The following CEP128 variants were observed in gnomAD, a reference collection of about 807,000 sequenced individuals.
CEP128 encodes centrosomal protein 128.
Under a neutral mutation model 156.7 loss-of-function variants are expected in CEP128, and 132 were observed. That is an observed-to-expected ratio of 0.84 (90% CI 0.73 to 0.97). The LOEUF is 0.97. Among genes scored for constraint, CEP128 ranks in the 50% least tolerant of loss-of-function variants. The pLI is 0.00. For synonymous variants in CEP128, 469 were observed against 448.9 expected (o/e 1.04, Z -0.57); for missense variants, 1,252 against 1,281.9 (o/e 0.98, Z 0.36).
chr14:80,535,670 T>G (rs1054194288), intron 21 of CEP128, among the ~76,000 whole-genome samples: 1 of 152,148 alleles, frequency 6.6e-6, no homozygotes, highest in Non-Finnish European at 1.5e-5. Flanking sequence ...TTATAGGATG[T>G]TAAATGTCAG....
At chr14:80,533,254 C>G (rs1290277110) in intron 21 of CEP128, among the ~76,000 whole-genome samples, 1 of 152,044 alleles carries the variant, frequency 6.6e-6, no homozygotes, top group Non-Finnish European at 1.5e-5. Context: ...GATTTTAAAT[C>G]AAAATTTTAT....
At chr14:80,951,813 C>G (rs1242059151) in intron 2 of CEP128, among the ~76,000 whole-genome samples, 2 of 151,754 alleles carry the variant, frequency 1.3e-5, no homozygotes, top group Non-Finnish European at 2.9e-5. Context: ...AAAATCATAC[C>G]ATGATAACGC....
chr14:80,857,742 AAC>A (rs1241738767), intron 9 of CEP128, among the ~76,000 whole-genome samples: 2 of 128,668 alleles, frequency 1.6e-5, no homozygotes, highest in African/African-American at 7.4e-5. Context: ...CTCAAAAAAA[AAC>A]AACAACAACA....
intron 19 of CEP128, among the ~76,000 whole-genome samples, chr14:80,663,417 A>T (rs1185393579): frequency 6.6e-6 from 1 of 152,178 alleles, no homozygotes; most frequent in Non-Finnish European, 1.5e-5. Context: ...ACAATCTACC[A>T]TAAGAATAAA....
At chr14:80,853,826 G>C (rs776468088) in intron 9 of CEP128, among the ~76,000 whole-genome samples, 1 of 151,926 alleles carries the variant, frequency 6.6e-6, no homozygotes, top group Non-Finnish European at 1.5e-5. Context: ...GCATATAGAG[G>C]TCAGATAGAT....
intron 16 of CEP128, among the ~76,000 whole-genome samples, chr14:80,774,667 C>A (rs940782460): frequency 1.3e-5 from 2 of 151,806 alleles, no homozygotes; most frequent in Non-Finnish European, 2.9e-5. Context: ...ACACATACCT[C>A]TTTGTCCATA....
chr14:80,919,759 A>C (rs926428591), intron 2 of CEP128, among the ~76,000 whole-genome samples: 1 of 152,240 alleles, frequency 6.6e-6, no homozygotes, highest in African/African-American at 2.4e-5. Context: ...ACAAGAAAAA[A>C]GAATGATCTC....
chr14:80,916,356 T>A (rs756302432), intron 3 of CEP128, 45 bp downstream of exon 3: 2 of 1,509,442 alleles, frequency 1.3e-6, no homozygotes, highest in Non-Finnish European at 1.8e-6. Flanking sequence ...ATTAAGCAGC[T>A]CAAACTATTT....
At chr14:80,813,002 C>T (rs1017405815) in intron 13 of CEP128, among the ~76,000 whole-genome samples, 5 of 152,118 alleles carry the variant, frequency 3.3e-5, no homozygotes, top group African/African-American at 4.8e-5. Flanking sequence ...TGCTTGTTGG[C>T]CATGTGCATG....
At chr14:80,714,990 T>C (rs1897550669) in intron 19 of CEP128, among the ~76,000 whole-genome samples, 1 of 152,044 alleles carries the variant, frequency 6.6e-6, no homozygotes, top group Admixed American at 6.6e-5. Context: ...TGGGAGGCCG[T>C]GGTGGGCGGA....
At chr14:80,665,139 G>A (rs1595176019) in intron 19 of CEP128, among the ~76,000 whole-genome samples, 1 of 152,114 alleles carries the variant, frequency 6.6e-6, no homozygotes, top group Non-Finnish European at 1.5e-5. Context: ...CCATTTTAAC[G>A]TGTCATATAG....
chr14:80,920,468 A>G (rs1168310998), intron 2 of CEP128, among the ~76,000 whole-genome samples: 1 of 152,236 alleles, frequency 6.6e-6, no homozygotes, highest in Non-Finnish European at 1.5e-5. Context: ...CGTCAATTAT[A>G]TACTCTTCTT....
chr14:80,519,218 G>A (rs1409313939), intron 23 of CEP128, among the ~76,000 whole-genome samples: 1 of 152,136 alleles, frequency 6.6e-6, no homozygotes, highest in Middle Eastern at 3.2e-3. Flanking sequence ...AGTTCCACTG[G>A]GTGAAGGGAC....
chr14:80,772,107 G>A (rs1476470707), intron 16 of CEP128, among the ~76,000 whole-genome samples: 1 of 152,126 alleles, frequency 6.6e-6, no homozygotes, highest in Non-Finnish European at 1.5e-5. Flanking sequence ...GTAGAAGAGG[G>A]GCAGCTGCCC....
At chr14:80,855,300 T>C (rs551813946) in intron 9 of CEP128, among the ~76,000 whole-genome samples, 6 of 152,290 alleles carry the variant, frequency 3.9e-5, no homozygotes, top group South Asian at 2.1e-4. Flanking sequence ...CTAGGGCTTA[T>C]GTCCTAAGAA....
Position 80,570,840 on chromosome 14 carries a change from A to G in CEP128, c.2856+9534T>C, listed in dbSNP as rs186909637. Among the ~76,000 whole-genome samples, 250 of 152,296 alleles carry G rather than the reference A, an allele frequency of 1.6e-3. 1 individual carries two copies. The highest frequency in any genetic ancestry group is 5.8e-3 in the African/African-American group (239 of 41,560). On this transcript the variant is annotated intron_variant, in intron 20 of 24. Transcript: ENST00000555265. ...GGAGCCTCTTCCTTAAAGTATGCCA[A>G]AACAGACTTCCAGAACCTCATTTTT...
chr14:80,734,170 G>A (rs1374404298), intron 19 of CEP128, among the ~76,000 whole-genome samples: 1 of 152,078 alleles, frequency 6.6e-6, no homozygotes, highest in African/African-American at 2.4e-5. Context: ...TACTCTTAGA[G>A]CATAATCTAT....
intron 19 of CEP128, among the ~76,000 whole-genome samples, chr14:80,707,189 T>G (rs1249788252): frequency 1.3e-5 from 2 of 152,196 alleles, no homozygotes; most frequent in Non-Finnish European, 2.9e-5. Context: ...GTTATGAGAC[T>G]GTGGGTTCTA....
rs562350036 is a variant in CEP128 at position 80,552,018 on chromosome 14, TTTG to T, written c.2880+7258_2880+7260del. On this transcript the variant is annotated intron_variant, in intron 21 of 24. Transcript: ENST00000555265. ...GGGATGGGTGAGAAGTAGTCCTGTT[TTTG>T]TTGTTGTTGTTGTTGTTTGTTTGTT... 5.2e-3 allele frequency among the ~76,000 whole-genome samples: 796 copies of T among 152,222 alleles called. 6 individuals carry two copies. Among genetic ancestry groups the T allele is most frequent in the African/African-American group, 0.018 (760 of 41,532 alleles).
Sources: gnomAD v4.1 joint callset for allele counts (sites outside exome capture counted in the v4.1 genomes callset) on GRCh38, gnomAD v4.1.1 for gene constraint, MANE v1.5 for transcripts, NCBI Gene and HGNC (gene_info 2026-07-23, HGNC 2026-07-21) for gene names.